PCBP4: variants seen among roughly 807,000 people sequenced by gnomAD.
The protein encoded by PCBP4 is poly(rC)-binding protein 4.
Under a neutral mutation model 46.2 loss-of-function variants are expected in PCBP4, and 24 were observed. The observed-to-expected ratio is 0.52, with a 90% CI of 0.38 to 0.73. PCBP4 has a LOEUF of 0.73. PCBP4 is among the 30% of genes least tolerant of loss of function. The pLI, the probability that PCBP4 is intolerant of heterozygous loss-of-function variation, is 0.00. For missense variants in PCBP4, 407 were observed against 537.0 expected (o/e 0.76, Z 2.39); for synonymous variants, 203 against 224.4 (o/e 0.90, Z 0.85).
In PCBP4 at chr3:51,958,785, C is replaced by T. The variant is rs1577673503; in HGVS notation, c.923+5G>A. On this transcript the variant is annotated splice_donor_5th_base_variant and intron_variant, in intron 13 of 13. Coordinates refer to ENST00000461554, the MANE Select transcript of PCBP4 (RefSeq NM_001174100.2). The surrounding 1 kb of genome is among the most constrained non-coding windows in gnomAD (Gnocchi z 5.4). ...CTCCCCCACTGCCGCCCAGCCCGCG[C>T]TCACCAGGCAGTGATGAGGTACTGG... The T allele has an allele frequency of 3.1e-6, 5 of 1,609,554 alleles. No individual in the cohort carries two copies. The East Asian group carries it at 6.7e-5, about 22-fold the overall frequency.
In PCBP4 at chr3:51,958,997, A is replaced by T. The variant is rs747998529; in HGVS notation, c.754-38T>A. The T allele has an allele frequency of 2.5e-6, 4 of 1,613,158 alleles. No homozygotes were observed. Among genetic ancestry groups the T allele is most frequent in the Non-Finnish European group, 2.5e-6 (3 of 1,179,448 alleles). ...CAGAATTCAGCCCTGGGTGAGGTCC[A>T]GACCCCCAGACCCCCTACCCACCCT... On this transcript the variant is annotated intron_variant, in intron 12 of 13. Transcript: ENST00000461554. The surrounding 1 kb of genome is among the most constrained non-coding windows in gnomAD (Gnocchi z 5.4).
intron 2 of PCBP4, 24 bp from the exon 3 acceptor site, chr3:51,961,328 G>C: frequency 1.3e-6 from 2 of 1,522,754 alleles, no homozygotes; most frequent in Non-Finnish European, 1.8e-6. Context: ...CCAAAGAGGG[G>C]TTCGAGAGGA....
At position 51,958,849 on chromosome 3, in the gene PCBP4, A is replaced by G. The variant is rs754229227; in HGVS notation, c.864T>C (p.His288=). The G allele has an allele frequency of 3.7e-6, 6 of 1,613,808 alleles. No individual in the cohort carries two copies. In the African/African-American group the frequency reaches 8.0e-5, roughly 22 times the overall value. ...GNQAEGAGER[H]VTITGSPVSI... ...AGACCGGAGAGCCAGTGATGGTGAC[A>G]TGCCGCTCCCCAGCGCCCTCTGCTT... The change falls in exon 13 of 14, where the codon CAT becomes CAC. Residue 288 remains histidine, a synonymous_variant. Transcript: ENST00000461554. The surrounding 1 kb of genome is among the most constrained non-coding windows in gnomAD (Gnocchi z 5.4).
chr3:51,959,763 C>T lies in PCBP4; in HGVS notation c.517-112G>A. 4 of 1,466,758 alleles carry T rather than the reference C, an allele frequency of 2.7e-6. No homozygotes were observed. The highest frequency in any genetic ancestry group is 3.7e-6 in the Non-Finnish European group (4 of 1,077,610). The allele number at this position is 1,466,758 out of a possible 1,614,324, so 90.9% of individuals were successfully genotyped here. A position where few individuals can be genotyped will look rare whatever the true frequency, so the allele number is the denominator to read the frequency against. Reference sequence around the variant, plus strand: ...GACCCCCAGGGAAATGCACATGATCCCTGGAGCTCATCATCCATCCCTGCA... The same window carrying T: ...GACCCCCAGGGAAATGCACATGATCTCTGGAGCTCATCATCCATCCCTGCA... On this transcript the variant is annotated intron_variant, in intron 8 of 13. Coordinates refer to ENST00000461554, the MANE Select transcript of PCBP4 (RefSeq NM_001174100.2). The surrounding 1 kb of genome is among the most constrained non-coding windows in gnomAD (Gnocchi z 5.6).
At chr3:51,965,966 G>A (rs1158136883) in intron 1 of PCBP4, among the ~76,000 whole-genome samples, 1 of 152,224 alleles carries the variant, frequency 6.6e-6, no homozygotes, top group Non-Finnish European at 1.5e-5. Flanking sequence ...GGCTCAGCCT[G>A]TCACAGCTGG....
chr3:51,965,591 A>G (rs1288008114), intron 1 of PCBP4, among the ~76,000 whole-genome samples: 4 of 152,210 alleles, frequency 2.6e-5, no homozygotes, highest in African/African-American at 9.6e-5. Context: ...TTGAGACAAG[A>G]CCAGGGTCAG....
At chr3:51,961,606 C>T (rs529637219) in intron 2 of PCBP4, 244 of 354,802 alleles carry the variant, frequency 6.9e-4, no homozygotes, top group Non-Finnish European at 9.8e-4. Flanking sequence ...GGTACCTAGC[C>T]TTTCCCTTAC....
intron 2 of PCBP4, 181 bp from the exon 3 acceptor site, chr3:51,961,485 T>C: frequency 1.4e-6 from 1 of 720,152 alleles, no homozygotes; most frequent in South Asian, 2.2e-5. Flanking sequence ...TGTGTAAGCC[T>C]GGGGAGCCCA....
Position 51,960,932 on chromosome 3 carries a change from A to T in PCBP4, c.106-34T>A. On this transcript the variant is annotated intron_variant, in intron 4 of 13. Transcript: ENST00000461554. The surrounding 1 kb of genome is among the most constrained non-coding windows in gnomAD (Gnocchi z 5.0). ...GGTACAAAACAGATAATCACTCTTAACTTAGAGGTCACAGCCTCCTTCCCT... is the reference window on the plus strand; with the variant it reads ...GGTACAAAACAGATAATCACTCTTATCTTAGAGGTCACAGCCTCCTTCCCT... The T allele has an allele frequency of 1.2e-6, 2 of 1,614,024 alleles. No homozygotes were observed. Among genetic ancestry groups the T allele is most frequent in the African/African-American group, 2.7e-5 (2 of 75,018 alleles).
At chr3:51,966,352 C>T (rs1700423034) in intron 1 of PCBP4, among the ~76,000 whole-genome samples, 1 of 152,080 alleles carries the variant, frequency 6.6e-6, no homozygotes. Context: ...GGGGTGGGGG[C>T]TGGGATGGGG....
intron 1 of PCBP4, among the ~76,000 whole-genome samples, chr3:51,963,612 A>C (rs1402789023): frequency 6.6e-6 from 1 of 152,164 alleles, no homozygotes; most frequent in Non-Finnish European, 1.5e-5. Flanking sequence ...GAGGGCTGGA[A>C]CATGGCCAGA....
intron 1 of PCBP4, among the ~76,000 whole-genome samples, chr3:51,964,230 G>A: frequency 6.6e-6 from 1 of 152,150 alleles, no homozygotes; most frequent in Admixed American, 6.5e-5. Context: ...AGCGATGGTG[G>A]CTGCCCCCTT....
At position 51,957,928 on chromosome 3, in the gene PCBP4, T is replaced by C. The variant is rs1182199749; in HGVS notation, c.*133A>G. 36 of 778,790 alleles carry C rather than the reference T, an allele frequency of 4.6e-5. No homozygotes were observed. The highest frequency in any genetic ancestry group is 6.5e-5 in the Non-Finnish European group (32 of 492,604). 48.2% of individuals were successfully genotyped at this position (778,790 alleles called of 1,614,324 possible). A position where few individuals can be genotyped will look rare whatever the true frequency, so the allele number is the denominator to read the frequency against. On this transcript the variant is annotated 3_prime_UTR_variant, in exon 14 of 14. Coordinates refer to ENST00000461554, the MANE Select transcript of PCBP4 (RefSeq NM_001174100.2). The stretch of plus-strand genomic sequence containing the variant: ...AGAACTCCCATAGATGGAGGCAGGG[T>C]AGGGGGTGCATCCATGCGTCTGGGC...
chr3:51,966,979 C>A (rs1700464577), intron 1 of PCBP4, among the ~76,000 whole-genome samples: 1 of 152,086 alleles, frequency 6.6e-6, no homozygotes. Flanking sequence ...GTGTGCCCAG[C>A]CAGGAGCTAC....
At position 51,958,027 on chromosome 3, in the gene PCBP4, G is replaced by A; in HGVS notation, c.*34C>T. On this transcript the variant is annotated 3_prime_UTR_variant, in exon 14 of 14. Transcript: ENST00000461554. This position sits in a 1 kb window ranked among gnomAD's most constrained non-coding sequence, Gnocchi z 5.4. Reference sequence around the variant, plus strand: ...GTGCAGAGGCAGCCCCCTGCTGGTGGTCCTGCCTGCCCCTGCCTGTACCTC... The same window carrying A: ...GTGCAGAGGCAGCCCCCTGCTGGTGATCCTGCCTGCCCCTGCCTGTACCTC... 6.6e-7 allele frequency: 1 copy of A among 1,507,452 alleles called. No homozygotes were observed. 93.4% of individuals were successfully genotyped at this position (1,507,452 alleles called of 1,614,324 possible). A position where few individuals can be genotyped will look rare whatever the true frequency, so the allele number is the denominator to read the frequency against.
In PCBP4 at chr3:51,959,322, G is replaced by A. The variant is rs748406113; in HGVS notation, c.637-30C>T. On this transcript the variant is annotated intron_variant, in intron 10 of 13. Transcript: ENST00000461554. The surrounding 1 kb of genome is among the most constrained non-coding windows in gnomAD (Gnocchi z 5.6). ...GCCAAAGAGGGGTCAGAGGTCAGAG[G>A]AGGCATGGTTCAGGAAGGGGTGCCT... 53 of 1,613,774 alleles carry A rather than the reference G, an allele frequency of 3.3e-5. No individual in the cohort carries two copies. The highest frequency in any genetic ancestry group is 4.3e-5 in the Non-Finnish European group (51 of 1,179,898).
At chr3:51,961,711 A>C in intron 2 of PCBP4, 1 of 990,726 alleles carries the variant, frequency 1.0e-6, no homozygotes, top group Non-Finnish European at 1.2e-6. Context: ...ACCTCTGTGG[A>C]TGGGGCCCTG....
Position 51,959,444 on chromosome 3 carries a change from C to T in PCBP4, c.592-33G>A. The T allele has an allele frequency of 1.9e-6, 3 of 1,585,480 alleles. No individual in the cohort carries two copies. Among genetic ancestry groups the T allele is most frequent in the Non-Finnish European group, 2.6e-6 (3 of 1,164,410 alleles). Reference sequence around the variant, plus strand: ...GACAAAGTGGATGAAAAGGGGGTTACTGTGACATTGCAGTTCAGCCAGAGT... The same window carrying T: ...GACAAAGTGGATGAAAAGGGGGTTATTGTGACATTGCAGTTCAGCCAGAGT... On this transcript the variant is annotated intron_variant, in intron 9 of 13. Coordinates refer to ENST00000461554, the MANE Select transcript of PCBP4 (RefSeq NM_001174100.2). The surrounding 1 kb of genome is among the most constrained non-coding windows in gnomAD (Gnocchi z 5.6).
chr3:51,960,031 C>T lies in PCBP4; in HGVS notation c.388-8G>A. The T allele has an allele frequency of 6.2e-7, 1 of 1,614,234 alleles. No homozygotes were observed. The highest frequency in any genetic ancestry group is 8.5e-7 in the Non-Finnish European group (1 of 1,180,036). On this transcript the variant is annotated splice_polypyrimidine_tract_variant and splice_region_variant and intron_variant, in intron 7 of 13. Coordinates refer to ENST00000461554, the MANE Select transcript of PCBP4 (RefSeq NM_001174100.2). The surrounding 1 kb of genome is among the most constrained non-coding windows in gnomAD (Gnocchi z 5.0). ...TACCTGGGCACCCGTAGTCTGCAAA[C>T]AGAGAACAGGGGCCACTTCTGGCTG...
Sources: allele counts gnomAD v4.1 joint callset (sites outside exome capture counted in the v4.1 genomes callset), GRCh38; gene constraint gnomAD v4.1.1; non-coding constraint Gnocchi (gnomAD v3.1); transcripts MANE v1.5; gene names NCBI Gene and HGNC (gene_info 2026-07-23, HGNC 2026-07-21).